SLC66A3: variants seen among roughly 807,000 people sequenced by gnomAD.
SLC66A3 encodes the protein PQ loop repeat containing 3.
SLC66A3 carries 23 observed loss-of-function variants against 25.5 expected under a neutral mutation model. The ratio of observed to expected loss-of-function variants is 0.90; its 90% CI spans 0.65 to 1.28. The LOEUF (loss-of-function observed/expected upper bound fraction) is 1.28, where lower values mean the gene tolerates loss of function less well. SLC66A3 is among the 50% of genes most tolerant of loss of function. SLC66A3 has a pLI of 0.00. For missense variants in SLC66A3, 246 were observed against 262.1 expected, an observed-to-expected ratio of 0.94 and a Z score of 0.42; for synonymous variants, 108 against 112.6, an observed-to-expected ratio of 0.96 and a Z score of 0.26.
chr2:11,177,953 T>C lies in SLC66A3; in HGVS notation c.*125T>C. The C allele has an allele frequency of 1.6e-6, 1 of 635,786 alleles. No individual in the cohort carries two copies. The highest frequency in any genetic ancestry group is 2.7e-6 in the Non-Finnish European group (1 of 376,988). The allele number at this position is 635,786 out of a possible 1,614,324, so 39.4% of individuals were successfully genotyped here. A position where few individuals can be genotyped will look rare whatever the true frequency, so the allele number is the denominator to read the frequency against. ...AGTTTATAATCTTTAAAGCCAAAGG[T>C]TTTTTTAGACTTGAAAGAAAGAGCC... is the stretch of plus-strand genomic sequence containing the variant. On this transcript the variant is annotated 3_prime_UTR_variant, in exon 7 of 7. Transcript: ENST00000295083.
chr2:11,155,631 C>G lies in SLC66A3; in HGVS notation c.85C>G (p.Leu29Val). 6.6e-7 allele frequency: 1 copy of G among 1,518,870 alleles called. No homozygotes were observed. Among genetic ancestry groups the G allele is most frequent in the Non-Finnish European group, 8.7e-7 (1 of 1,144,774 alleles). 94.1% of individuals were successfully genotyped at this position (1,518,870 alleles called of 1,614,324 possible). A position where few individuals can be genotyped will look rare whatever the true frequency, so the allele number is the denominator to read the frequency against. ...ALKLPQISAV[L>V]AARSARGLSL... ...GAAGCTGCCGCAGATCTCCGCTGTG[C>G]TAGCGGCGCGCAGCGCGCGGGGCCT... The change falls in exon 1 of 7, where the codon CTA becomes GTA. Residue 29 changes from leucine (L) to valine (V), a missense_variant. By Grantham distance (32) the Leu-to-Val change is conservative. Coordinates refer to ENST00000295083, the MANE Select transcript of SLC66A3 (RefSeq NM_152391.5).
chr2:11,159,220 CAG>C lies in SLC66A3; in HGVS notation c.144-1243_144-1242del, dbSNP rs1364753320. ...CACTCAGTGGCTGGCTGTGGCCCCA[CAG>C]AGGGGCTGGGGTGCAGCCTCCCCCT... On this transcript the variant is annotated intron_variant, in intron 1 of 6. Transcript: ENST00000295083. Among the ~76,000 whole-genome samples, 7 of 152,348 alleles carry C rather than the reference CAG, an allele frequency of 4.6e-5. No individual in the cohort carries two copies. The South Asian group carries it at 1.4e-3, about 32-fold the overall frequency.
At chr2:11,157,856 C>G (rs188789010) in intron 1 of SLC66A3, among the ~76,000 whole-genome samples, 1 of 152,212 alleles carries the variant, frequency 6.6e-6, no homozygotes, top group Admixed American at 6.5e-5. Flanking sequence ...TGCTGCTTCT[C>G]CTGCCTCCAG....
intron 5 of SLC66A3, among the ~76,000 whole-genome samples, chr2:11,174,164 G>A (rs1399699072): frequency 6.6e-6 from 1 of 152,064 alleles, no homozygotes; most frequent in Non-Finnish European, 1.5e-5. Context: ...CACCATGTTG[G>A]TCAGGCTGGT....
chr2:11,158,950 C>T (rs1006399583), intron 1 of SLC66A3, among the ~76,000 whole-genome samples: 5 of 152,194 alleles, frequency 3.3e-5, no homozygotes, highest in East Asian at 1.9e-4. Context: ...GGGGCAGCAA[C>T]GGCTGCATCC....
At chr2:11,168,904 C>A (rs1662449022) in intron 4 of SLC66A3, among the ~76,000 whole-genome samples, 1 of 152,012 alleles carries the variant, frequency 6.6e-6, no homozygotes, top group Non-Finnish European at 1.5e-5. Flanking sequence ...GTTGTTCAGG[C>A]TAGAGTGCAG....
At chr2:11,164,813 G>C (rs1183563409) in intron 4 of SLC66A3, among the ~76,000 whole-genome samples, 2 of 152,092 alleles carry the variant, frequency 1.3e-5, no homozygotes, top group East Asian at 3.9e-4. Context: ...ATTTAACCCT[G>C]AGTGGACACA....
chr2:11,174,384 C>T (rs1352348083), intron 5 of SLC66A3, among the ~76,000 whole-genome samples: 2 of 152,206 alleles, frequency 1.3e-5, no homozygotes, highest in African/African-American at 4.8e-5. Context: ...GAAGGGAGCT[C>T]AGTCTCTCCG....
intron 6 of SLC66A3, among the ~76,000 whole-genome samples, chr2:11,176,529 T>TC (rs1395038204): frequency 7.7e-6 from 1 of 129,554 alleles, no homozygotes; most frequent in East Asian, 2.3e-4. Flanking sequence ...GAATAACTTT[T>TC]TTTTTTTTTT....
chr2:11,165,781 A>C (rs1042531753), intron 4 of SLC66A3, among the ~76,000 whole-genome samples: 3 of 152,196 alleles, frequency 2.0e-5, no homozygotes. Flanking sequence ...CGGGAGGCCG[A>C]GGCTGGCAGA....
At chr2:11,177,330 G>T (rs548261340) in intron 6 of SLC66A3, among the ~76,000 whole-genome samples, 25 of 152,174 alleles carry the variant, frequency 1.6e-4, no homozygotes, top group Admixed American at 7.2e-4. Context: ...CGTGGTGGTG[G>T]GCACCTGTCA....
At chr2:11,161,710 T>A (rs1662136592) in intron 3 of SLC66A3, among the ~76,000 whole-genome samples, 1 of 152,166 alleles carries the variant, frequency 6.6e-6, no homozygotes, top group South Asian at 2.1e-4. Context: ...TTTTAGAGAT[T>A]GGGTCCTGGT....
At chr2:11,173,361 T>C (rs922221366) in intron 5 of SLC66A3, among the ~76,000 whole-genome samples, 2 of 152,250 alleles carry the variant, frequency 1.3e-5, no homozygotes, top group Non-Finnish European at 2.9e-5. Context: ...TTGAGTTTCT[T>C]ACATATTCTG....
In SLC66A3 at chr2:11,157,158, C is replaced by T. The variant is rs1421782350; in HGVS notation, c.143+1469C>T. Among the ~76,000 whole-genome samples the T allele has an allele frequency of 3.9e-5, 6 of 152,308 alleles. No individual in the cohort carries two copies. In the South Asian group the frequency reaches 1.0e-3, roughly 26 times the overall value. On this transcript the variant is annotated intron_variant, in intron 1 of 6. Transcript: ENST00000295083. Reference sequence around the variant, plus strand: ...TGAAAAATGCAAACCCTCAGAGATACGCAGGTGAGGGCTCCTATTAGATCT... The same window carrying T: ...TGAAAAATGCAAACCCTCAGAGATATGCAGGTGAGGGCTCCTATTAGATCT...
chr2:11,171,980 G>A lies in SLC66A3; in HGVS notation c.410G>A (p.Trp137Ter). 1 of 1,613,978 alleles carries A rather than the reference G, an allele frequency of 6.2e-7. No homozygotes were observed. Among genetic ancestry groups the A allele is most frequent in the Non-Finnish European group, 8.5e-7 (1 of 1,179,904 alleles). Reference sequence around the variant, plus strand: ...AAGTTTGCACAGCTCCAGTGTCTGTGGAAGACGAGAGACTCAGGAACTGTG... The same window carrying A: ...AAGTTTGCACAGCTCCAGTGTCTGTAGAAGACGAGAGACTCAGGAACTGTG... ...ASKFAQLQCL[W>*]KTRDSGTVSA... The change falls in exon 5 of 7, where the codon TGG (tryptophan) becomes TAG (stop). Residue 137 changes from tryptophan to a stop codon, truncating the protein, a stop_gained. Coordinates refer to ENST00000295083, the MANE Select transcript of SLC66A3 (RefSeq NM_152391.5). LOFTEE classifies it high-confidence loss of function.
chr2:11,156,618 G>A (rs1002083011), intron 1 of SLC66A3, among the ~76,000 whole-genome samples: 2 of 152,172 alleles, frequency 1.3e-5, no homozygotes, highest in Admixed American at 6.5e-5. Context: ...GGAGGGTGAG[G>A]GGTCCCACTC....
Position 11,158,180 on chromosome 2 carries a change from CATG to C in SLC66A3, c.144-2283_144-2281del, listed in dbSNP as rs1661974539. 2.6e-5 allele frequency among the ~76,000 whole-genome samples: 4 copies of C among 152,306 alleles called. No individual in the cohort carries two copies. The South Asian group carries it at 8.3e-4, about 32-fold the overall frequency. ...GGGGCTGTGTCAGATGCCCGGCTGGCATGATTTTATTATGATAAGCACTATAGC... is the reference window on the plus strand; with the variant it reads ...GGGGCTGTGTCAGATGCCCGGCTGGCATTTTATTATGATAAGCACTATAGC... On this transcript the variant is annotated intron_variant, in intron 1 of 6. Transcript: ENST00000295083.
At chr2:11,168,496 G>C (rs1023995224) in intron 4 of SLC66A3, among the ~76,000 whole-genome samples, 2 of 152,134 alleles carry the variant, frequency 1.3e-5, no homozygotes, top group African/African-American at 4.8e-5. Context: ...TATCTAGCAG[G>C]CAAGCTTGTG....
chr2:11,159,326 G>A (rs1280967088), intron 1 of SLC66A3, among the ~76,000 whole-genome samples: 1 of 152,180 alleles, frequency 6.6e-6, no homozygotes, highest in East Asian at 1.9e-4. Context: ...GAGTCCCTGC[G>A]GCAGGGCAGG....
Sources: allele counts gnomAD v4.1 joint callset (sites outside exome capture counted in the v4.1 genomes callset), GRCh38; gene constraint gnomAD v4.1.1; transcripts MANE v1.5; gene names NCBI Gene and HGNC (gene_info 2026-07-23, HGNC 2026-07-21).